LOC128125822: variants seen among roughly 807,000 people sequenced by gnomAD.
the LOC128125822 span, chr6:63,572,811 C>T: frequency 2.5e-6 from 1 of 396,912 alleles, no homozygotes; most frequent in East Asian, 3.6e-5. Context: ...CCCGGCGTCT[C>T]CTCCAGGTTG....
At chr6:63,579,014 T>A in the LOC128125822 span, 1 of 1,598,900 alleles carries the variant, frequency 6.3e-7, no homozygotes, top group East Asian at 2.3e-5. Flanking sequence ...TTCATTGCGT[T>A]GCAGGCCTTG....
At chr6:63,581,585 CTT>C in the LOC128125822 span, 1 of 152,098 alleles carries the variant, frequency 6.6e-6, no homozygotes, top group Non-Finnish European at 1.5e-5. Context: ...TTTTAGTAAA[CTT>C]TTAGACAAAA....
the LOC128125822 span, among the ~76,000 whole-genome samples, chr6:63,579,863 T>A: frequency 6.6e-6 from 1 of 152,176 alleles, no homozygotes. Context: ...AACGAAGATA[T>A]AAAGAAAATT....
the LOC128125822 span, chr6:63,580,169 C>G: frequency 1.9e-6 from 3 of 1,608,010 alleles, no homozygotes; most frequent in Non-Finnish European, 2.6e-6. Context: ...CTGTTGCATT[C>G]AATAAAATTG....
the LOC128125822 span, chr6:63,578,443 A>C: frequency 6.2e-7 from 1 of 1,603,076 alleles, no homozygotes. Flanking sequence ...CCAGGAACTT[A>C]AGAAGTATGG....
the LOC128125822 span, chr6:63,573,523 C>T: frequency 5.3e-5 from 8 of 152,178 alleles, no homozygotes; most frequent in South Asian, 2.1e-4. Flanking sequence ...CGGGCGTGCT[C>T]GGGCGCACAC....
At chr6:63,576,605 T>C in the LOC128125822 span, 2 of 478,668 alleles carry the variant, frequency 4.2e-6, no homozygotes, top group Admixed American at 7.7e-5. Flanking sequence ...AAGTGTTGAA[T>C]TGAAATCCAC....
the LOC128125822 span, chr6:63,580,373 A>G: frequency 2.0e-6 from 1 of 512,612 alleles, no homozygotes; most frequent in East Asian, 3.0e-5. Flanking sequence ...GATACTTGGC[A>G]AAAGATTCTT....
chr6:63,572,531 C>A, the LOC128125822 span: 1 of 392,334 alleles, frequency 2.5e-6, no homozygotes, highest in Non-Finnish European at 4.5e-6. Flanking sequence ...CGGCTACGCG[C>A]TCTGCTCCGA....
At chr6:63,581,525 G>A in the LOC128125822 span, 1 of 152,342 alleles carries the variant, frequency 6.6e-6, no homozygotes, top group African/African-American at 2.4e-5. Context: ...CACTTAATGT[G>A]TGTCCTCATC....
the LOC128125822 span, among the ~76,000 whole-genome samples, chr6:63,579,520 C>T: frequency 6.6e-6 from 1 of 152,152 alleles, no homozygotes; most frequent in East Asian, 1.9e-4. Flanking sequence ...AGATTCTAAT[C>T]CAACAAGAGT....
the LOC128125822 span, chr6:63,578,588 T>C: frequency 1.9e-6 from 3 of 1,556,010 alleles, no homozygotes; most frequent in African/African-American, 1.4e-5. Context: ...TTTATTCAAA[T>C]AGTAAATTCA....
the LOC128125822 span, chr6:63,572,770 C>T: frequency 2.5e-6 from 1 of 398,264 alleles, no homozygotes. Context: ...CACGACCGGC[C>T]CCCCATCCCC....
At chr6:63,578,681 A>C in the LOC128125822 span, 2 of 1,287,454 alleles carry the variant, frequency 1.6e-6, no homozygotes, top group Non-Finnish European at 2.1e-6. Context: ...TTAATTTCTA[A>C]ATAAAGGTGA....
the LOC128125822 span, chr6:63,576,632 G>GT: frequency 9.6e-6 from 5 of 521,480 alleles, no homozygotes; most frequent in South Asian, 1.5e-4. Flanking sequence ...TTTTACAAGA[G>GT]TTCTGACCTG....
chr6:63,581,466 GT>G, the LOC128125822 span: 1 of 152,490 alleles, frequency 6.6e-6, no homozygotes, highest in Non-Finnish European at 1.5e-5. Flanking sequence ...ATTGAGATTG[GT>G]TTGCTTAAAA....
the LOC128125822 span, chr6:63,579,994 GAC>G: frequency 8.3e-6 from 10 of 1,201,352 alleles, no homozygotes; most frequent in Middle Eastern, 1.9e-4. Context: ...TTGTCTATAA[GAC>G]ACTAAATATT....
the LOC128125822 span, chr6:63,581,722 G>A: frequency 6.6e-6 from 1 of 152,102 alleles, no homozygotes; most frequent in Non-Finnish European, 1.5e-5. Context: ...GTATAGTAGA[G>A]GACAGCCTTG....
chr6:63,577,403 G>T, the LOC128125822 span, among the ~76,000 whole-genome samples: 3 of 152,046 alleles, frequency 2.0e-5, no homozygotes, highest in African/African-American at 7.3e-5. Context: ...CTTCCTAATG[G>T]TAGCTATGTA....
Sources: allele counts gnomAD v4.1 joint callset (sites outside exome capture counted in the v4.1 genomes callset), GRCh38; gene constraint gnomAD v4.1.1; transcripts MANE v1.5.